The following SV2B variants were observed in gnomAD, a reference collection of about 807,000 sequenced individuals.
SV2B encodes synaptic vesicle glycoprotein 2B, also known as solute carrier family 22 member B2.
Under a neutral mutation model 73.9 loss-of-function variants are expected in SV2B, and 41 were observed. That is an observed-to-expected ratio of 0.56 (90% confidence interval 0.43 to 0.72). The LOEUF (loss-of-function observed/expected upper bound fraction) is 0.72. Ranked by LOEUF, SV2B falls within the 30% of genes least tolerant of loss-of-function variation. The probability of loss-of-function intolerance (pLI) is 0.00; values close to 1 mark genes in which losing one functional copy is unlikely to be tolerated. For missense variants in SV2B, 764 were observed against 857.8 expected (o/e 0.89, Z 1.37); for synonymous variants, 314 against 314.2 (o/e 1.00, Z 0.01).
At chr15:91,275,995 G>T (rs2141727887) in intron 9 of SV2B, among the ~76,000 whole-genome samples, 1 of 151,064 alleles carries the variant, frequency 6.6e-6, no homozygotes, top group African/African-American at 2.4e-5. Flanking sequence ...GTATTTGTTT[G>T]TCTGATGGAT....
intron 1 of SV2B, among the ~76,000 whole-genome samples, chr15:91,157,698 G>A (rs1017039889): frequency 6.6e-6 from 1 of 152,152 alleles, no homozygotes; most frequent in Non-Finnish European, 1.5e-5. Flanking sequence ...CTTGTACCAG[G>A]TCATAGTGCT....
intron 1 of SV2B, among the ~76,000 whole-genome samples, chr15:91,208,275 C>T (rs2045718037): frequency 6.6e-6 from 1 of 152,112 alleles, no homozygotes; most frequent in Admixed American, 6.6e-5. Context: ...TGTGTCTATA[C>T]CTCTATTTAT....
Position 91,118,470 on chromosome 15 carries a change from G to A in SV2B, c.-392+18107G>A, listed in dbSNP as rs1473850714. 1.3e-5 allele frequency among the ~76,000 whole-genome samples: 2 copies of A among 152,208 alleles called. No individual in the cohort carries two copies. Among genetic ancestry groups the A allele is most frequent in the African/African-American group, 4.8e-5 (2 of 41,446 alleles). On this transcript the variant is annotated intron_variant, in intron 1 of 12. Transcript: ENST00000394232. This position sits in a 1 kb window ranked among gnomAD's most constrained non-coding sequence, Gnocchi z 4.7. Reference sequence around the variant, plus strand: ...TCCTTTGCATTCATTGAGGGCTTGGGAAGGTACAGAAAGCTCCACAGGAAG... The same window carrying A: ...TCCTTTGCATTCATTGAGGGCTTGGAAAGGTACAGAAAGCTCCACAGGAAG...
chr15:91,251,916 C>T lies in SV2B; in HGVS notation c.549C>T (p.Ala183=), dbSNP rs148460168. 7.6e-4 allele frequency: 1,222 copies of T among 1,614,116 alleles called. 6 individuals are homozygous for T. In the African/African-American group the frequency reaches 0.014, roughly 19 times the overall value. Residue 183 remains alanine (A), a synonymous_variant, in exon 3 of 13, where the codon GCC becomes GCT. Coordinates refer to ENST00000394232, the MANE Select transcript of SV2B (RefSeq NM_001323032.3). ...AGCGAGTCCTCAGCATGTCTCTGGC[C>T]GTCAATGCCTCCTTCGCCTCCCTCT... is the stretch of plus-strand genomic sequence containing the variant. ...GRKRVLSMSL[A]VNASFASLSS...
chr15:91,193,726 T>A (rs2141360679), intron 1 of SV2B, among the ~76,000 whole-genome samples: 1 of 152,296 alleles, frequency 6.6e-6, no homozygotes, highest in Non-Finnish European at 1.5e-5. Flanking sequence ...TATATTAACA[T>A]GAGGACTAAT....
chr15:91,293,515 A>G lies in SV2B; in HGVS notation c.*963A>G, dbSNP rs1250902762. On this transcript the variant is annotated 3_prime_UTR_variant, in exon 13 of 13. Transcript: ENST00000394232. ...GAGTAGTTACTTCTCTCCCTTACAC[A>G]GATGACTTGTGAAACTCAAGCTCAC... 3 of 152,230 alleles carry G rather than the reference A, an allele frequency of 2.0e-5. No homozygotes were observed. The highest frequency in any genetic ancestry group is 6.5e-5 in the Admixed American group (1 of 15,286). The allele number at this position is 152,230 out of a possible 1,614,324, so 9.4% of individuals were successfully genotyped here. A position where few individuals can be genotyped will look rare whatever the true frequency, so the allele number is the denominator to read the frequency against.
chr15:91,249,992 G>A (rs111469064), intron 2 of SV2B, among the ~76,000 whole-genome samples: 2 of 152,086 alleles, frequency 1.3e-5, no homozygotes, highest in African/African-American at 4.8e-5. Flanking sequence ...GAAGGTGAAG[G>A]AATATTTACA....
rs951633076 is a variant in SV2B at position 91,132,873 on chromosome 15, G to A, written c.-392+32510G>A. ...AAAAAAAAAAGTGAGTTAATGTAGGGCTGAAAATTGTGCATGTCTCTGGTT... is the reference window on the plus strand; with the variant it reads ...AAAAAAAAAAGTGAGTTAATGTAGGACTGAAAATTGTGCATGTCTCTGGTT... On this transcript the variant is annotated intron_variant, in intron 1 of 12. Transcript: ENST00000394232. This position sits in a 1 kb window ranked among gnomAD's most constrained non-coding sequence, Gnocchi z 4.6. Among the ~76,000 whole-genome samples the A allele has an allele frequency of 6.6e-6, 1 of 152,144 alleles. No individual in the cohort carries two copies. The highest frequency in any genetic ancestry group is 2.4e-5 in the African/African-American group (1 of 41,420).
rs11853153 is a variant in SV2B, at chr15:91,242,762, C to T, written c.452-9057C>T. Among the ~76,000 whole-genome samples the T allele has an allele frequency of 0.27, 41,639 of 152,042 alleles. 7,854 individuals carry two copies. The highest frequency in any genetic ancestry group is 0.54 in the African/African-American group (22,374 of 41,478). On this transcript the variant is annotated intron_variant, in intron 2 of 12. Coordinates refer to ENST00000394232, the MANE Select transcript of SV2B (RefSeq NM_001323032.3). The surrounding 1 kb of genome is among the most constrained non-coding windows in gnomAD (Gnocchi z 4.9). ...GAGTTACCTATTATTTTTTTAAATA[C>T]GAATACTCACTTTCTGAACATGCTA... is the stretch of plus-strand genomic sequence containing the variant.
At chr15:91,175,457 T>C (rs2044269481) in intron 1 of SV2B, among the ~76,000 whole-genome samples, 1 of 152,072 alleles carries the variant, frequency 6.6e-6, no homozygotes, top group Non-Finnish European at 1.5e-5. Flanking sequence ...GGTTTCACTG[T>C]GTCAGTCAGG....
In SV2B at chr15:91,268,803, C is replaced by G. The variant is rs1051464187; in HGVS notation, c.1373+198C>G. ...GCTGTGTCTGTGTTGTGCTGGCTCC[C>G]CGACACCCTAATCTCCTGGTGAGAG... is the stretch of plus-strand genomic sequence containing the variant. On this transcript the variant is annotated intron_variant, in intron 9 of 12. Coordinates refer to ENST00000394232, the MANE Select transcript of SV2B (RefSeq NM_001323032.3). This position sits in a 1 kb window ranked among gnomAD's most constrained non-coding sequence, Gnocchi z 4.4. Among the ~76,000 whole-genome samples the G allele has an allele frequency of 6.6e-6, 1 of 152,172 alleles. No individual in the cohort carries two copies. The highest frequency in any genetic ancestry group is 1.5e-5 in the Non-Finnish European group (1 of 68,024).
rs1290910837 is a variant in SV2B, at chr15:91,280,876, T to C, written c.1374-852T>C. On this transcript the variant is annotated intron_variant, in intron 9 of 12. Transcript: ENST00000394232. The surrounding 1 kb of genome is among the most constrained non-coding windows in gnomAD (Gnocchi z 5.8). Reference sequence around the variant, plus strand: ...TTTCTTGTGTAGCTCTCCAGATATATTTGGAAGCATATGTATCCATGCCCT... The same window carrying C: ...TTTCTTGTGTAGCTCTCCAGATATACTTGGAAGCATATGTATCCATGCCCT... 6.6e-6 allele frequency among the ~76,000 whole-genome samples: 1 copy of C among 152,208 alleles called. No homozygotes were observed. The highest frequency in any genetic ancestry group is 1.5e-5 in the Non-Finnish European group (1 of 68,028).
rs910886072 is a variant in SV2B, at chr15:91,137,711, A to G, written c.-392+37348A>G. Among the ~76,000 whole-genome samples, 11 of 150,178 alleles carry G rather than the reference A, an allele frequency of 7.3e-5. No homozygotes were observed. The highest frequency in any genetic ancestry group is 7.3e-4 in the Admixed American group (11 of 15,036). Reference sequence around the variant, plus strand: ...ACACACACACACATTTGCACAGGTTATTAATTGTAGCCAACAGCATTAATT... The same window carrying G: ...ACACACACACACATTTGCACAGGTTGTTAATTGTAGCCAACAGCATTAATT... On this transcript the variant is annotated intron_variant, in intron 1 of 12. Transcript: ENST00000394232. This position sits in a 1 kb window ranked among gnomAD's most constrained non-coding sequence, Gnocchi z 4.9.
rs1043758137 is a variant in SV2B at position 91,128,478 on chromosome 15, C to T, written c.-392+28115C>T. 3.9e-5 allele frequency among the ~76,000 whole-genome samples: 6 copies of T among 152,154 alleles called. No homozygotes were observed. The highest frequency in any genetic ancestry group is 5.9e-5 in the Non-Finnish European group (4 of 68,034). ...GCTATTGGCGCTCAGAAAACAATAT[C>T]CAAAAATGAAGGCCTCAGAAGCGAA... is the stretch of plus-strand genomic sequence containing the variant. On this transcript the variant is annotated intron_variant, in intron 1 of 12. Coordinates refer to ENST00000394232, the MANE Select transcript of SV2B (RefSeq NM_001323032.3). The surrounding 1 kb of genome is among the most constrained non-coding windows in gnomAD (Gnocchi z 4.2).
intron 1 of SV2B, among the ~76,000 whole-genome samples, chr15:91,116,179 G>T (rs2042173499): frequency 1.3e-5 from 2 of 152,040 alleles, no homozygotes; most frequent in African/African-American, 4.8e-5. Flanking sequence ...CTGTGCATAG[G>T]ACATCTTGGA....
chr15:91,275,259 C>T (rs1442037340), intron 9 of SV2B, among the ~76,000 whole-genome samples: 2 of 152,052 alleles, frequency 1.3e-5, no homozygotes, highest in Admixed American at 6.6e-5. Context: ...TTTACGTTCA[C>T]TATTGGTATA....
At chr15:91,264,270 C>T (rs1308759453) in intron 6 of SV2B, among the ~76,000 whole-genome samples, 3 of 152,234 alleles carry the variant, frequency 2.0e-5, no homozygotes, top group South Asian at 2.1e-4. Flanking sequence ...TCTCTCCTGA[C>T]GATGCATTCT....
chr15:91,168,980 T>C (rs987794818), intron 1 of SV2B, among the ~76,000 whole-genome samples: 2 of 152,206 alleles, frequency 1.3e-5, no homozygotes, highest in African/African-American at 4.8e-5. Context: ...AGAGAACCTA[T>C]AGTGAATTCC....
chr15:91,164,108 G>C (rs1450522807), intron 1 of SV2B, among the ~76,000 whole-genome samples: 1 of 152,086 alleles, frequency 6.6e-6, no homozygotes, highest in African/African-American at 2.4e-5. Context: ...GCTCTGTTCT[G>C]TTTCATTGGT....
Sources: allele counts gnomAD v4.1 joint callset (sites outside exome capture counted in the v4.1 genomes callset), GRCh38; gene constraint gnomAD v4.1.1; non-coding constraint Gnocchi (gnomAD v3.1); transcripts MANE v1.5; gene names NCBI Gene and HGNC (gene_info 2026-07-23, HGNC 2026-07-21).